The following BTBD9 variants were observed in gnomAD, a reference collection of about 807,000 sequenced individuals.
BTBD9 encodes the protein BTB/POZ domain-containing protein 9.
A neutral mutation model predicts 64.3 loss-of-function variants in BTBD9; 49 were observed. That is an observed-to-expected ratio of 0.76 (90% CI 0.61 to 0.97). The LOEUF (loss-of-function observed/expected upper bound fraction) is 0.97, where lower values mean the gene tolerates loss of function less well. Ranked by LOEUF, BTBD9 falls within the 50% of genes least tolerant of loss-of-function variation. The pLI, the probability that BTBD9 is intolerant of heterozygous loss-of-function variation, is 0.00. For synonymous variants in BTBD9, 260 were observed against 274.7 expected, an observed-to-expected ratio of 0.95 and a Z score of 0.53; for missense variants, 598 against 762.1, an observed-to-expected ratio of 0.78 and a Z score of 2.53.
chr6:38,488,132 T>A (rs1022619712), intron 6 of BTBD9, among the ~76,000 whole-genome samples: 1 of 151,964 alleles, frequency 6.6e-6, no homozygotes, highest in Admixed American at 6.6e-5. Flanking sequence ...AATTTTTAAA[T>A]TTTTTGTAGA....
At chr6:38,245,044 C>T (rs977583586) in intron 9 of BTBD9, among the ~76,000 whole-genome samples, 6 of 152,154 alleles carry the variant, frequency 3.9e-5, no homozygotes, top group South Asian at 2.1e-4. Flanking sequence ...AACATGCATA[C>T]GTGACTGGAG....
At chr6:38,372,337 GCAGTATGATGAGGAACACTAATTTGT>G in intron 6 of BTBD9, among the ~76,000 whole-genome samples, 1 of 152,238 alleles carries the variant, frequency 6.6e-6, no homozygotes, top group Middle Eastern at 3.4e-3. Context: ...AAGCCTAATC[GCAGTATGATGAGGAACACTAATTTGT>G]CACATCCTCA....
intron 6 of BTBD9, among the ~76,000 whole-genome samples, chr6:38,470,720 G>C (rs1339906587): frequency 6.6e-6 from 1 of 152,178 alleles, no homozygotes; most frequent in African/African-American, 2.4e-5. Context: ...GCTGATGATG[G>C]CATGAGCCAT....
chr6:38,221,020 G>A (rs568462227), intron 9 of BTBD9, among the ~76,000 whole-genome samples: 6 of 152,292 alleles, frequency 3.9e-5, no homozygotes, highest in East Asian at 1.9e-4. Flanking sequence ...CCAGGGTTAC[G>A]AGCAGATCTT....
At chr6:38,210,493 T>TA (rs1762791633) in intron 9 of BTBD9, among the ~76,000 whole-genome samples, 1 of 152,020 alleles carries the variant, frequency 6.6e-6, no homozygotes, top group Non-Finnish European at 1.5e-5. Context: ...CCTGTCTCTG[T>TA]ATTCATGTTT....
At chr6:38,242,496 T>C (rs1764026712) in intron 9 of BTBD9, among the ~76,000 whole-genome samples, 1 of 152,200 alleles carries the variant, frequency 6.6e-6, no homozygotes, top group South Asian at 2.1e-4. Flanking sequence ...AATGGGAGGC[T>C]TGGGCTATGA....
At chr6:38,301,071 T>C (rs1248255589) in intron 7 of BTBD9, among the ~76,000 whole-genome samples, 3 of 152,046 alleles carry the variant, frequency 2.0e-5, no homozygotes, top group Non-Finnish European at 4.4e-5. Flanking sequence ...TAGCATGAAG[T>C]GTTGTTGAAT....
chr6:38,406,046 A>G (rs1305678864), intron 6 of BTBD9, among the ~76,000 whole-genome samples: 1 of 152,210 alleles, frequency 6.6e-6, no homozygotes, highest in Non-Finnish European at 1.5e-5. Flanking sequence ...GTAAGCTACT[A>G]TTCAAGTGGG....
chr6:38,501,004 A>G (rs1772170736), intron 6 of BTBD9, among the ~76,000 whole-genome samples: 1 of 152,234 alleles, frequency 6.6e-6, no homozygotes, highest in South Asian at 2.1e-4. Flanking sequence ...TGAATTTTCT[A>G]TCTAATGTCC....
In BTBD9 at chr6:38,172,318, G is replaced by A. The variant is rs1261908699; in HGVS notation, c.*2667C>T. ...GGTCCTGGTGGCCCAGGGGAGAAGT[G>A]CTCTGTAGGACCAGCCAGGCTCTGG... On this transcript the variant is annotated 3_prime_UTR_variant, in exon 11 of 11. Coordinates refer to ENST00000481247, the MANE Select transcript of BTBD9 (RefSeq NM_001099272.2). 1.3e-5 allele frequency: 2 copies of A among 152,368 alleles called. No individual in the cohort carries two copies. The highest frequency in any genetic ancestry group is 2.9e-5 in the Non-Finnish European group (2 of 68,122). The allele number at this position is 152,368 out of a possible 1,614,324, so 9.4% of individuals were successfully genotyped here. A position where few individuals can be genotyped will look rare whatever the true frequency, so the allele number is the denominator to read the frequency against.
At chr6:38,329,364 C>G (rs1763585254) in intron 7 of BTBD9, among the ~76,000 whole-genome samples, 1 of 149,610 alleles carries the variant, frequency 6.7e-6, no homozygotes, top group Non-Finnish European at 1.5e-5. Context: ...GCTCTGTCAC[C>G]CTGGCTGGAG....
At chr6:38,203,297 T>A (rs1467824522) in intron 9 of BTBD9, among the ~76,000 whole-genome samples, 1 of 152,082 alleles carries the variant, frequency 6.6e-6, no homozygotes, top group South Asian at 2.1e-4. Flanking sequence ...TTTTTCAAGC[T>A]GAGAAATAAA....
intron 6 of BTBD9, among the ~76,000 whole-genome samples, chr6:38,464,221 T>C (rs1461841829): frequency 6.6e-6 from 1 of 152,180 alleles, no homozygotes; most frequent in Admixed American, 6.5e-5. Flanking sequence ...TGCCTTGATT[T>C]TGGACTTCTA....
intron 10 of BTBD9, among the ~76,000 whole-genome samples, chr6:38,178,773 C>T (rs944533651): frequency 1.3e-5 from 2 of 152,112 alleles, no homozygotes; most frequent in Non-Finnish European, 2.9e-5. Context: ...GCAGAGGCCA[C>T]ACCCAATGGG....
intron 7 of BTBD9, among the ~76,000 whole-genome samples, chr6:38,326,824 G>A (rs1373343156): frequency 4.0e-5 from 6 of 150,646 alleles, no homozygotes; most frequent in Non-Finnish European, 5.9e-5. Context: ...CCCCACAGCC[G>A]TGGGGCCTGT....
chr6:38,263,358 C>T (rs1003273132), intron 8 of BTBD9, among the ~76,000 whole-genome samples: 2 of 152,156 alleles, frequency 1.3e-5, no homozygotes, highest in Non-Finnish European at 2.9e-5. Context: ...ATTTAATATT[C>T]TGTTATAGCA....
chr6:38,310,421 G>GAA (rs58824579), intron 7 of BTBD9, among the ~76,000 whole-genome samples: 48 of 140,822 alleles, frequency 3.4e-4, no homozygotes, highest in African/African-American at 1.1e-3. Context: ...GTAGTTATCA[G>GAA]AAAAAAAAAA....
At chr6:38,597,639 T>C (rs1232065586) in intron 2 of BTBD9, among the ~76,000 whole-genome samples, 2 of 152,202 alleles carry the variant, frequency 1.3e-5, no homozygotes, top group African/African-American at 4.8e-5. Flanking sequence ...AGACTTAGCC[T>C]GAGAAACATT....
At chr6:38,337,832 C>T (rs936378922) in intron 7 of BTBD9, among the ~76,000 whole-genome samples, 33 of 152,176 alleles carry the variant, frequency 2.2e-4, no homozygotes, top group African/African-American at 6.3e-4. Context: ...ACTACGGTTT[C>T]CCAGACTCCC....
Sources: allele counts gnomAD v4.1 joint callset (sites outside exome capture counted in the v4.1 genomes callset), GRCh38; gene constraint gnomAD v4.1.1; transcripts MANE v1.5; gene names NCBI Gene and HGNC (gene_info 2026-07-23, HGNC 2026-07-21).